Variants in PIEZO2 observed in about 807,000 individuals in gnomAD.
The protein encoded by PIEZO2 is piezo-type mechanosensitive ion channel component 2.
PIEZO2 carries 172 observed loss-of-function variants against 337.3 expected under a neutral mutation model. That is an observed-to-expected ratio of 0.51 (90% confidence interval 0.45 to 0.58). The LOEUF (loss-of-function observed/expected upper bound fraction) is 0.58, where lower values mean the gene tolerates loss of function less well. Among genes scored for constraint, PIEZO2 ranks in the 20% least tolerant of loss-of-function variants. The pLI is 0.00. For synonymous variants in PIEZO2, 1,251 were observed against 1,228.5 expected (o/e 1.02, Z -0.38); for missense variants, 3,028 against 3,391.3 (o/e 0.89, Z 2.66).
intron 33 of PIEZO2, chr18:10,738,672 T>G (rs917675029): frequency 1.3e-5 from 2 of 152,228 alleles, no homozygotes; most frequent in Admixed American, 1.3e-4. Context: ...TGGATGTTGA[T>G]GTTACTGCTA....
chr18:10,822,760 G>A (rs942844972), intron 7 of PIEZO2, among the ~76,000 whole-genome samples: 1 of 152,136 alleles, frequency 6.6e-6, no homozygotes, highest in Non-Finnish European at 1.5e-5. Context: ...TGCACTAAGC[G>A]GCTAATGAAT....
At chr18:11,062,312 G>T (rs1266391806) in intron 2 of PIEZO2, among the ~76,000 whole-genome samples, 1 of 152,046 alleles carries the variant, frequency 6.6e-6, no homozygotes, top group Non-Finnish European at 1.5e-5. Flanking sequence ...AACTCTAGAA[G>T]AAAACCTAGG....
chr18:10,690,502 TAA>T (rs2034765026), intron 48 of PIEZO2, among the ~76,000 whole-genome samples: 1 of 152,132 alleles, frequency 6.6e-6, no homozygotes, highest in African/African-American at 2.4e-5. Flanking sequence ...CAAGTGAATA[TAA>T]ATCCAATCCC....
intron 8 of PIEZO2, among the ~76,000 whole-genome samples, chr18:10,806,460 G>A (rs887625375): frequency 6.6e-6 from 1 of 152,120 alleles, no homozygotes; most frequent in Admixed American, 6.5e-5. Context: ...CTGTGTCCTT[G>A]TTCATATTTT....
At chr18:10,798,873 G>A (rs927487700) in intron 11 of PIEZO2, among the ~76,000 whole-genome samples, 4 of 151,962 alleles carry the variant, frequency 2.6e-5, no homozygotes, top group African/African-American at 7.3e-5. Flanking sequence ...GTTTAAGCCT[G>A]AGCTGCAAAC....
chr18:10,714,814 T>A lies in PIEZO2; in HGVS notation c.5373A>T (p.Ala1791=), dbSNP rs1430591990. ...AACTATCCATCCTGTGGGCTGTCTG[T>A]GCACCTGAAGCAGCTCCGGGATGCT... ...IDEHPGAASG[A]QTAHRMDSLD... The change falls in exon 39 of 56, where the codon GCA becomes GCT. Residue 1791 remains alanine (A), a synonymous_variant. Transcript: ENST00000674853. 8 of 1,537,146 alleles carry A rather than the reference T, an allele frequency of 5.2e-6. No individual in the cohort carries two copies. The South Asian group carries it at 9.5e-5, about 18-fold the overall frequency.
At position 11,031,068 on chromosome 18, in the gene PIEZO2, C is replaced by T. The variant is rs1247665630; in HGVS notation, c.160+35059G>A. Among the ~76,000 whole-genome samples the T allele has an allele frequency of 6.6e-6, 1 of 152,094 alleles. No individual in the cohort carries two copies. The highest frequency in any genetic ancestry group is 6.5e-5 in the Admixed American group (1 of 15,274). On this transcript the variant is annotated intron_variant, in intron 2 of 55. Coordinates refer to ENST00000674853, the MANE Select transcript of PIEZO2 (RefSeq NM_001378183.1). This position sits in a 1 kb window ranked among gnomAD's most constrained non-coding sequence, Gnocchi z 4.7. ...GCAGTGGCGTGATCTTGGCTCATTG[C>T]AAACGCCGCCTCCCGGGTTCACACC...
At chr18:10,806,573 A>G (rs990236608) in intron 8 of PIEZO2, among the ~76,000 whole-genome samples, 6 of 152,122 alleles carry the variant, frequency 3.9e-5, no homozygotes, top group African/African-American at 1.4e-4. Context: ...GAGCTGGGCT[A>G]TCACTCCATC....
rs147775738 is a variant in PIEZO2 at position 10,724,495 on chromosome 18, C to G, written c.5030-6236G>C. On this transcript the variant is annotated intron_variant, in intron 36 of 55. Coordinates refer to ENST00000674853, the MANE Select transcript of PIEZO2 (RefSeq NM_001378183.1). The surrounding 1 kb of genome is among the most constrained non-coding windows in gnomAD (Gnocchi z 5.8). ...GGCCCACCAAAGGCAATGCGGAGTACAGGGCCTGCTGGTCCTCTGGTCACA... is the reference window on the plus strand; with the variant it reads ...GGCCCACCAAAGGCAATGCGGAGTAGAGGGCCTGCTGGTCCTCTGGTCACA... 1.5e-3 allele frequency: 632 copies of G among 429,424 alleles called. 7 individuals carry two copies. Among genetic ancestry groups the G allele is most frequent in the African/African-American group, 0.012 (586 of 49,344 alleles). The allele number at this position is 429,424 out of a possible 1,614,324, so 26.6% of individuals were successfully genotyped here. A position where few individuals can be genotyped will look rare whatever the true frequency, so the allele number is the denominator to read the frequency against.
chr18:10,887,817 C>A (rs144675004), intron 4 of PIEZO2, among the ~76,000 whole-genome samples: 189 of 152,224 alleles, frequency 1.2e-3, no homozygotes, highest in African/African-American at 4.2e-3. Context: ...CTCAACCTGG[C>A]TCATGAATTC....
intron 2 of PIEZO2, among the ~76,000 whole-genome samples, chr18:11,046,891 G>C (rs908832299): frequency 6.6e-6 from 1 of 152,198 alleles, no homozygotes; most frequent in African/African-American, 2.4e-5. Flanking sequence ...GCATCTGTGG[G>C]GAGCCAGGGC....
chr18:10,673,522 G>A lies in PIEZO2; in HGVS notation c.8162-649C>T, dbSNP rs2143398392. Among the ~76,000 whole-genome samples the A allele has an allele frequency of 6.6e-6, 1 of 152,274 alleles. No individual in the cohort carries two copies. On this transcript the variant is annotated intron_variant, in intron 54 of 55. Transcript: ENST00000674853. This position sits in a 1 kb window ranked among gnomAD's most constrained non-coding sequence, Gnocchi z 4.8. ...TTCAATAGGTGAAGGTGGGTGAGGA[G>A]GGAAGCTCATTTCAGGAAGAGTGAT...
intron 16 of PIEZO2, among the ~76,000 whole-genome samples, chr18:10,785,596 T>C (rs900167578): frequency 3.3e-5 from 5 of 152,166 alleles, no homozygotes; most frequent in Admixed American, 6.5e-5. Flanking sequence ...AACCAATAAA[T>C]GGTACAACTG....
intron 4 of PIEZO2, among the ~76,000 whole-genome samples, chr18:10,873,773 AT>A (rs912436702): frequency 6.6e-6 from 1 of 152,186 alleles, no homozygotes; most frequent in Non-Finnish European, 1.5e-5. Context: ...GCTTTAAAAA[AT>A]GGTCTAGCCT....
At position 10,803,950 on chromosome 18, in the gene PIEZO2, A is replaced by G. The variant is rs1220989086; in HGVS notation, c.1125T>C (p.Cys375=). The G allele has an allele frequency of 1.3e-6, 2 of 1,537,352 alleles. No homozygotes were observed. The highest frequency in any genetic ancestry group is 1.7e-6 in the Non-Finnish European group (2 of 1,146,934). The stretch of plus-strand genomic sequence containing the variant: ...TCCCCGCTGTTATTTGGATGGGGCT[A>G]CAAGCCAGGGCTTTGTCCTCTTCTT... ...GTKEEDKALA[C]SPIQITAGRR... is the part of the protein sequence containing the mutation. Residue 375 remains cysteine, a synonymous_variant, in exon 9 of 56, where the codon TGT becomes TGC. Transcript: ENST00000674853.
At position 10,695,591 on chromosome 18, in the gene PIEZO2, T is replaced by C. The variant is rs187014436; in HGVS notation, c.7190+483A>G. On this transcript the variant is annotated intron_variant, in intron 47 of 55. Coordinates refer to ENST00000674853, the MANE Select transcript of PIEZO2 (RefSeq NM_001378183.1). ...CTGCAGTTAACCCCCACCAGTCTCC[T>C]ATGTGGAGACTCTATCATCTGCTCC... Among the ~76,000 whole-genome samples, 452 of 152,260 alleles carry C rather than the reference T, an allele frequency of 3.0e-3. 2 individuals are homozygous for C. Among genetic ancestry groups the C allele is most frequent in the Non-Finnish European group, 4.9e-3 (336 of 68,006 alleles).
chr18:10,697,170 A>G (rs7230121), intron 45 of PIEZO2, among the ~76,000 whole-genome samples: 15,845 of 152,042 alleles, frequency 0.1, 1,645 homozygotes, highest in African/African-American at 0.26. Context: ...CCTTTGCCCT[A>G]TCTTTGCTCT....
At chr18:10,774,177 G>A in intron 18 of PIEZO2, 139 bp from the exon 19 acceptor site, 1 of 644,090 alleles carries the variant, frequency 1.6e-6, no homozygotes, top group South Asian at 1.8e-5. Flanking sequence ...ACGCCCTAAT[G>A]CCAAATGCAT....
chr18:10,727,655 G>C lies in PIEZO2; in HGVS notation c.5029+3752C>G, dbSNP rs140122827. ...GCACACACACACACACACATACAGA[G>C]TGATTCAGGCCTTGTGAATCAAGCC... On this transcript the variant is annotated intron_variant, in intron 36 of 55. Transcript: ENST00000674853. This position sits in a 1 kb window ranked among gnomAD's most constrained non-coding sequence, Gnocchi z 6.3. The C allele has an allele frequency of 1.2e-3, 178 of 152,536 alleles. 1 individual carries two copies. Among genetic ancestry groups the C allele is most frequent in the African/African-American group, 4.2e-3 (174 of 41,524 alleles). The allele number at this position is 152,536 out of a possible 1,614,324, so 9.4% of individuals were successfully genotyped here.
Sources: allele counts gnomAD v4.1 joint callset (sites outside exome capture counted in the v4.1 genomes callset), GRCh38; gene constraint gnomAD v4.1.1; non-coding constraint Gnocchi (gnomAD v3.1); transcripts MANE v1.5; gene names NCBI Gene and HGNC (gene_info 2026-07-23, HGNC 2026-07-21).